Variants in TSPAN14 observed in about 807,000 individuals in gnomAD.
The protein encoded by TSPAN14 is tetraspanin 14.
TSPAN14 carries 16 observed loss-of-function variants against 36.6 expected under a neutral mutation model. That is an observed-to-expected ratio of 0.44 (90% CI 0.30 to 0.66). TSPAN14 has a LOEUF of 0.66. Ranked by LOEUF, TSPAN14 falls within the 30% of genes least tolerant of loss-of-function variation. The pLI is 0.12. For missense variants in TSPAN14, 231 were observed against 355.1 expected (o/e 0.65, Z 2.81); for synonymous variants, 139 against 143.8 (o/e 0.97, Z 0.24).
intron 1 of TSPAN14, among the ~76,000 whole-genome samples, chr10:80,462,759 G>A (rs1272623613): frequency 6.6e-6 from 1 of 152,212 alleles, no homozygotes; most frequent in East Asian, 1.9e-4. Flanking sequence ...CTGGGATTTT[G>A]GAGAAACTGT....
At chr10:80,491,801 A>G (rs1847936538) in intron 2 of TSPAN14, among the ~76,000 whole-genome samples, 1 of 152,210 alleles carries the variant, frequency 6.6e-6, no homozygotes, top group Admixed American at 6.5e-5. Flanking sequence ...GGGGCAGAAC[A>G]GGAAGGAACA....
At chr10:80,479,723 G>C (rs1589255742) in intron 1 of TSPAN14, among the ~76,000 whole-genome samples, 1 of 151,976 alleles carries the variant, frequency 6.6e-6, no homozygotes, top group East Asian at 1.9e-4. Context: ...AAGTCAGGTA[G>C]CGTGATGCCT....
intron 1 of TSPAN14, among the ~76,000 whole-genome samples, chr10:80,481,692 C>A (rs1847284783): frequency 6.6e-6 from 1 of 152,206 alleles, no homozygotes; most frequent in African/African-American, 2.4e-5. Flanking sequence ...ATGGCGCGAT[C>A]TCGGCTCACC....
At chr10:80,490,011 G>A (rs1847838999) in intron 2 of TSPAN14, among the ~76,000 whole-genome samples, 2 of 152,208 alleles carry the variant, frequency 1.3e-5, no homozygotes, top group African/African-American at 4.8e-5. Context: ...TGGGAGAAGG[G>A]ACACAGGTGG....
At chr10:80,483,040 G>T (rs1199372491) in intron 1 of TSPAN14, among the ~76,000 whole-genome samples, 2 of 151,960 alleles carry the variant, frequency 1.3e-5, no homozygotes, top group African/African-American at 4.8e-5. Flanking sequence ...CAGCCAGCCA[G>T]TTCACTTTTC....
chr10:80,518,596 G>GC (rs1268413444), exon 9 of TSPAN14: 1 of 154,242 alleles, frequency 6.5e-6, no homozygotes, highest in Non-Finnish European at 1.4e-5. Context: ...GTGGACTGGT[G>GC]CCACGGGAGT....
chr10:80,512,299 G>A (rs1214861915), intron 6 of TSPAN14, 30 bp downstream of exon 6: 5 of 1,611,584 alleles, frequency 3.1e-6, no homozygotes, highest in South Asian at 2.2e-5. Flanking sequence ...GGCACAGGGA[G>A]CCCGCCCTTC....
chr10:80,468,205 G>C (rs1015727550), intron 1 of TSPAN14, among the ~76,000 whole-genome samples: 2 of 152,040 alleles, frequency 1.3e-5, no homozygotes, highest in African/African-American at 2.4e-5. Flanking sequence ...TGCCTACCAG[G>C]CCCCCCTGTG....
At chr10:80,471,219 G>C (rs1409612597) in intron 1 of TSPAN14, among the ~76,000 whole-genome samples, 1 of 152,072 alleles carries the variant, frequency 6.6e-6, no homozygotes, top group African/African-American at 2.4e-5. Flanking sequence ...ACATGCAGCA[G>C]TGCCCTGAAC....
At chr10:80,496,480 G>A (rs1439152084) in intron 2 of TSPAN14, among the ~76,000 whole-genome samples, 2 of 152,168 alleles carry the variant, frequency 1.3e-5, no homozygotes, top group Admixed American at 6.5e-5. Context: ...TTGTCTTTGT[G>A]TTTATTCTGT....
exon 9 of TSPAN14, chr10:80,522,568 ACTTTT>A (rs1407314813): frequency 6.6e-6 from 1 of 152,198 alleles, no homozygotes; most frequent in African/African-American, 2.4e-5. Context: ...GTATAAAACA[ACTTTT>A]AAACTAGTCT....
intron 7 of TSPAN14, chr10:80,515,912 G>A (rs894743301): frequency 2.6e-5 from 10 of 383,682 alleles, no homozygotes; most frequent in Non-Finnish European, 4.3e-5. Context: ...TTCTCCAGAT[G>A]TGGATGGTGG....
intron 1 of TSPAN14, among the ~76,000 whole-genome samples, chr10:80,457,567 G>A (rs894323933): frequency 1.3e-5 from 2 of 152,176 alleles, no homozygotes; most frequent in Non-Finnish European, 2.9e-5. Context: ...AACAAGCCTG[G>A]CCCACAGTGG....
At chr10:80,456,841 TC>T (rs1389876668) in intron 1 of TSPAN14, among the ~76,000 whole-genome samples, 1 of 152,142 alleles carries the variant, frequency 6.6e-6, no homozygotes, top group East Asian at 1.9e-4. Flanking sequence ...GGTGGGTGGA[TC>T]ACCTGAGGTC....
At chr10:80,480,933 T>C (rs571517762) in intron 1 of TSPAN14, among the ~76,000 whole-genome samples, 42 of 152,076 alleles carry the variant, frequency 2.8e-4, no homozygotes, top group African/African-American at 3.9e-4. Context: ...AGTATAATAA[T>C]AATAAAATAA....
In TSPAN14 at chr10:80,511,766, CT is replaced by C. The variant is rs1564745304; in HGVS notation, c.451-377del. ...TCTCTCTCTCTCTCTCTCTCTCTCT[CT>C]CTCTCCCCTTTTTTCTTTCTCTCCT... On this transcript the variant is annotated intron_variant, in intron 5 of 8. Coordinates refer to ENST00000429989, the Ensembl canonical transcript of TSPAN14. Among the ~76,000 whole-genome samples, 97 of 120,234 alleles carry C rather than the reference CT, an allele frequency of 8.1e-4. 3 individuals are homozygous for C. The highest frequency in any genetic ancestry group is 2.7e-3 in the African/African-American group (79 of 29,472). 78.9% of individuals were successfully genotyped at this position (120,234 alleles called of 152,430 possible).
At chr10:80,459,247 G>C (rs1455151609) in intron 1 of TSPAN14, 1 of 152,366 alleles carries the variant, frequency 6.6e-6, no homozygotes, top group African/African-American at 2.4e-5. Context: ...TGGGGCTGTG[G>C]TTTTCTTTTA....
At chr10:80,506,098 A>G (rs893505173) in intron 3 of TSPAN14, among the ~76,000 whole-genome samples, 1 of 152,102 alleles carries the variant, frequency 6.6e-6, no homozygotes, top group Non-Finnish European at 1.5e-5. Flanking sequence ...CACCCTCCCA[A>G]ATAGCTGGGA....
intron 3 of TSPAN14, 41 bp downstream of exon 3, chr10:80,504,819 A>G (rs1364091100): frequency 3.1e-6 from 5 of 1,611,058 alleles, no homozygotes; most frequent in Non-Finnish European, 4.2e-6. Flanking sequence ...TCAGGCAGCC[A>G]AAACCAGATT....
Sources: gnomAD v4.1 joint callset for allele counts (sites outside exome capture counted in the v4.1 genomes callset) on GRCh38, gnomAD v4.1.1 for gene constraint, MANE v1.5 for transcripts, NCBI Gene and HGNC (gene_info 2026-07-23, HGNC 2026-07-21) for gene names.